The following CLCC1 variants were observed in gnomAD, a reference collection of about 807,000 sequenced individuals.
CLCC1 encodes chloride channel CLIC like 1, also known as chloride channel CLIC-like protein 1.
In CLCC1, 39 loss-of-function variants were observed where a neutral mutation model predicts 63.3. That is an observed-to-expected ratio of 0.62 (90% CI 0.48 to 0.81). CLCC1 has a LOEUF of 0.81. CLCC1 is among the 30% of genes least tolerant of loss of function. The pLI, the probability that CLCC1 is intolerant of heterozygous loss-of-function variation, is 0.00. For synonymous variants in CLCC1, 217 were observed against 239.8 expected (o/e 0.90, Z 0.88); for missense variants, 549 against 669.4 (o/e 0.82, Z 1.98).
chr1:108,949,312 A>T (rs538595247), intron 4 of CLCC1, among the ~76,000 whole-genome samples: 2 of 152,172 alleles, frequency 1.3e-5, no homozygotes, highest in Non-Finnish European at 2.9e-5. Flanking sequence ...CTACATTCAC[A>T]TCCCTTGACT....
intron 4 of CLCC1, among the ~76,000 whole-genome samples, chr1:108,947,993 A>C (rs951665000): frequency 1.8e-4 from 28 of 152,208 alleles, no homozygotes; most frequent in Admixed American, 1.4e-3. Flanking sequence ...TTTAAAGCTA[A>C]AGGAGGCAGA....
In CLCC1 at chr1:108,930,148, A is replaced by G. The variant is rs542144752; in HGVS notation, c.*2399T>C. On this transcript the variant is annotated 3_prime_UTR_variant, in exon 13 of 13. Coordinates refer to ENST00000369969, the MANE Select transcript of CLCC1 (RefSeq NM_001377458.1). The stretch of plus-strand genomic sequence containing the variant: ...GTGGAGGGGTCCTGTAAGGTGCTTC[A>G]TCGTCTGTGATTACTGCTTGGGATG... 7.3e-4 allele frequency: 408 copies of G among 557,220 alleles called. 1 individual carries two copies. Among genetic ancestry groups the G allele is most frequent in the Non-Finnish European group, 6.5e-4 (207 of 316,392 alleles). 34.5% of individuals were successfully genotyped at this position (557,220 alleles called of 1,614,324 possible). A position where few individuals can be genotyped will look rare whatever the true frequency, so the allele number is the denominator to read the frequency against.
chr1:108,947,587 A>T, intron 5 of CLCC1, 24 bp downstream of exon 5: 1 of 1,288,656 alleles, frequency 7.8e-7, no homozygotes, highest in Non-Finnish European at 1.1e-6. Context: ...TATACGGATT[A>T]GTATCACACC....
chr1:108,943,369 C>A (rs34086470), intron 7 of CLCC1, 106 bp downstream of exon 7: 115,279 of 1,152,378 alleles, frequency 0.1, 7,161 homozygotes, highest in African/African-American at 0.25. Flanking sequence ...CCTCTAATCA[C>A]TGCCTCCAAC....
chr1:108,941,507 C>T lies in CLCC1; in HGVS notation c.703-9G>A. On this transcript the variant is annotated splice_polypyrimidine_tract_variant and intron_variant, in intron 7 of 12. Coordinates refer to ENST00000369969, the MANE Select transcript of CLCC1 (RefSeq NM_001377458.1). ...TGCTGTGCAAAAGCTAGCTGCCCAA[C>T]ACCAAAAGGGAACCAGGAGAGGCCG... 6.2e-7 allele frequency: 1 copy of T among 1,613,450 alleles called. No homozygotes were observed. Among genetic ancestry groups the T allele is most frequent in the Admixed American group, 1.7e-5 (1 of 59,930 alleles).
At chr1:108,941,030 G>A (rs1359679422) in intron 8 of CLCC1, among the ~76,000 whole-genome samples, 2 of 151,992 alleles carry the variant, frequency 1.3e-5, no homozygotes, top group Non-Finnish European at 2.9e-5. Context: ...TCAATATAAG[G>A]CCATTAAATT....
intron 5 of CLCC1, 96 bp from the exon 6 acceptor site, chr1:108,944,153 T>C: frequency 1.2e-6 from 1 of 856,422 alleles, no homozygotes; most frequent in African/African-American, 1.7e-5. Flanking sequence ...GAACTAAATA[T>C]TAGTTTGCAG....
chr1:108,959,011 A>G (rs537825168), intron 2 of CLCC1, among the ~76,000 whole-genome samples: 1 of 145,962 alleles, frequency 6.9e-6, no homozygotes, highest in Non-Finnish European at 1.5e-5. Flanking sequence ...CCATCTCTAC[A>G]AAAAAATACA....
At chr1:108,948,443 T>C (rs1654812460) in intron 4 of CLCC1, among the ~76,000 whole-genome samples, 1 of 152,188 alleles carries the variant, frequency 6.6e-6, no homozygotes. Flanking sequence ...TTTGTGATCA[T>C]CAACTTGCAT....
intron 2 of CLCC1, among the ~76,000 whole-genome samples, chr1:108,961,587 C>T (rs1656644650): frequency 1.3e-5 from 2 of 152,178 alleles, no homozygotes; most frequent in Admixed American, 1.3e-4. Context: ...AGGCCGGGCA[C>T]GGTGGCTCAC....
Position 108,963,424 on chromosome 1 carries a change from G to T in CLCC1, c.-236C>A, listed in dbSNP as rs756467600. ...GCCCAGGCCGGCCGCAGAAGAGGTC[G>T]CACAGCTTGCCGCCGCCCAGGGTTT... is the stretch of plus-strand genomic sequence containing the variant. On this transcript the variant is annotated 5_prime_UTR_variant, in exon 1 of 13. It introduces an in-frame stop codon into an upstream open reading frame of the 5' UTR. Transcript: ENST00000369969. 5 of 702,288 alleles carry T rather than the reference G, an allele frequency of 7.1e-6. No individual in the cohort carries two copies. The highest frequency in any genetic ancestry group is 1.3e-5 in the Non-Finnish European group (5 of 384,882). 43.5% of individuals were successfully genotyped at this position (702,288 alleles called of 1,614,324 possible).
At position 108,940,113 on chromosome 1, in the gene CLCC1, C is replaced by T. The variant is rs1477781692; in HGVS notation, c.826G>A (p.Asp276Asn). 1 of 1,612,866 alleles carries T rather than the reference C, an allele frequency of 6.2e-7. No individual in the cohort carries two copies. Among genetic ancestry groups the T allele is most frequent in the Non-Finnish European group, 8.5e-7 (1 of 1,179,048 alleles). The change falls in exon 9 of 13, where the codon GAT (aspartate) becomes AAT (asparagine). Residue 276 changes from aspartate (D) to asparagine (N), a missense_variant. By Grantham distance (23) the Asp-to-Asn change is conservative. Coordinates refer to ENST00000369969, the MANE Select transcript of CLCC1 (RefSeq NM_001377458.1). Reference sequence around the variant, plus strand: ...TCATAGTATTTTTGGCATGGGTCATCCTTATAGGTCCATGAACTTCTAAAC... The same window carrying T: ...TCATAGTATTTTTGGCATGGGTCATTCTTATAGGTCCATGAACTTCTAAAC... Reference protein sequence around the residue: ...EWFRSSWTYKDDPCQKYYELL... With the variant: ...EWFRSSWTYKNDPCQKYYELL...
At position 108,937,066 on chromosome 1, in the gene CLCC1, T is replaced by A. The variant is rs769628845; in HGVS notation, c.1383+11A>T. 6.8e-7 allele frequency: 1 copy of A among 1,472,532 alleles called. No individual in the cohort carries two copies. The allele number at this position is 1,472,532 out of a possible 1,614,324, so 91.2% of individuals were successfully genotyped here. ...TGAAGGGACAGCAGAATAAAAGAGT[T>A]GCTGACTTACACTGGGTACCACCGT... On this transcript the variant is annotated intron_variant, in intron 11 of 12. Coordinates refer to ENST00000369969, the MANE Select transcript of CLCC1 (RefSeq NM_001377458.1).
At position 108,934,606 on chromosome 1, in the gene CLCC1, AGT is replaced by A. The variant is rs1460923348; in HGVS notation, c.*45+17_*45+18del. On this transcript the variant is annotated intron_variant, in intron 12 of 12. Coordinates refer to ENST00000369969, the MANE Select transcript of CLCC1 (RefSeq NM_001377458.1). The stretch of plus-strand genomic sequence containing the variant: ...GAATTCTTGCAGAGAAGAGAAAGAG[AGT>A]GAAGAGTATACTTTACAAAGCTCGA... 4 of 1,532,674 alleles carry A rather than the reference AGT, an allele frequency of 2.6e-6. No individual in the cohort carries two copies. Among genetic ancestry groups the A allele is most frequent in the Non-Finnish European group, 3.5e-6 (4 of 1,136,118 alleles). 94.9% of individuals were successfully genotyped at this position (1,532,674 alleles called of 1,614,324 possible).
intron 11 of CLCC1, among the ~76,000 whole-genome samples, chr1:108,936,058 T>C (rs1037218023): frequency 6.8e-6 from 1 of 147,304 alleles, no homozygotes; most frequent in Non-Finnish European, 1.5e-5. Context: ...TTACTAACTA[T>C]AAAAGCTGGA....
At chr1:108,946,213 G>A (rs976439074) in intron 5 of CLCC1, among the ~76,000 whole-genome samples, 5 of 151,860 alleles carry the variant, frequency 3.3e-5, no homozygotes, top group African/African-American at 1.2e-4. Flanking sequence ...AGGAGGCTGA[G>A]GCAGGAGAAT....
chr1:108,943,871 C>T lies in CLCC1; in HGVS notation c.526G>A (p.Asp176Asn). The T allele has an allele frequency of 6.2e-7, 1 of 1,613,872 alleles. No individual in the cohort carries two copies. Among genetic ancestry groups the T allele is most frequent in the Non-Finnish European group, 8.5e-7 (1 of 1,179,834 alleles). ...TTATATGGATCCACTCCAAAGGAAT[C>T]TTCGAATCGCCACTTCCATGTTTCA... ...DFETWKWRFE[D>N]SFGVDPYNVL... The change falls in exon 6 of 13, where the codon GAT (aspartate) becomes AAT (asparagine). Residue 176 changes from aspartate to asparagine, a missense_variant. Coordinates refer to ENST00000369969, the MANE Select transcript of CLCC1 (RefSeq NM_001377458.1).
At chr1:108,955,696 T>C (rs975904209) in intron 2 of CLCC1, among the ~76,000 whole-genome samples, 3 of 151,368 alleles carry the variant, frequency 2.0e-5, no homozygotes, top group African/African-American at 7.4e-5. Context: ...GCCAGCACCA[T>C]TCAGTCAGCT....
Position 108,937,152 on chromosome 1 carries a change from G to A in CLCC1, c.1308C>T (p.Asn436=). 6.4e-7 allele frequency: 1 copy of A among 1,574,394 alleles called. No individual in the cohort carries two copies. Among genetic ancestry groups the A allele is most frequent in the Non-Finnish European group, 8.6e-7 (1 of 1,161,258 alleles). Residue 436 remains asparagine, a synonymous_variant, in exon 11 of 13, where the codon AAC becomes AAT. Coordinates refer to ENST00000369969, the MANE Select transcript of CLCC1 (RefSeq NM_001377458.1). ...ATGCCCGGAGCACTTCAGGGCTCTT[G>A]TTGCCAGTCTGAAATCTCAAGTCAA... is the stretch of plus-strand genomic sequence containing the variant. ...RDVDLRFQTG[N]KSPEVLRAFD...
Sources: gnomAD v4.1 joint callset for allele counts (sites outside exome capture counted in the v4.1 genomes callset) on GRCh38, gnomAD v4.1.1 for gene constraint, MANE v1.5 for transcripts, NCBI Gene and HGNC (gene_info 2026-07-23, HGNC 2026-07-21) for gene names.